Variants in UGT1A7 observed in about 807,000 individuals in gnomAD.
UGT1A7 encodes the protein UDP-glucuronosyltransferase 1A7.
UGT1A7 carries 33 observed loss-of-function variants against 45.6 expected under a neutral mutation model. The ratio of observed to expected loss-of-function variants is 0.72; its 90% CI spans 0.55 to 0.97. UGT1A7 has a LOEUF of 0.97. UGT1A7 is among the 50% of genes least tolerant of loss of function. UGT1A7 has a pLI of 0.00. For missense variants in UGT1A7, 684 were observed against 666.2 expected, an observed-to-expected ratio of 1.03 and a Z score of -0.29; for synonymous variants, 274 against 250.6, an observed-to-expected ratio of 1.09 and a Z score of -0.88.
At position 233,744,330 on chromosome 2, in the gene UGT1A7, T is replaced by A. The variant is rs1692777222; in HGVS notation, c.856-22704T>A. Among the ~76,000 whole-genome samples the A allele has an allele frequency of 1.3e-5, 2 of 151,878 alleles. 1 individual carries two copies. The highest frequency in any genetic ancestry group is 4.9e-5 in the African/African-American group (2 of 41,124). On this transcript the variant is annotated intron_variant, in intron 1 of 4. Coordinates refer to ENST00000373426, the MANE Select transcript of UGT1A7 (RefSeq NM_019077.3). Reference sequence around the variant, plus strand: ...GGGAAGAGGGTGGTGGGAGTGAGTTTAGTCTGACTGGGGCTGAAGACATCC... The same window carrying A: ...GGGAAGAGGGTGGTGGGAGTGAGTTAAGTCTGACTGGGGCTGAAGACATCC...
At chr2:233,760,185 T>G in intron 1 of UGT1A7, 4 of 1,555,156 alleles carry the variant, frequency 2.6e-6, no homozygotes, top group Non-Finnish European at 3.5e-6. Context: ...CTTTTTATAG[T>G]CACGTGACAC....
chr2:233,733,736 T>C (rs558044026), intron 1 of UGT1A7, among the ~76,000 whole-genome samples: 3 of 152,366 alleles, frequency 2.0e-5, no homozygotes, highest in African/African-American at 7.2e-5. Context: ...TTTGCATCGA[T>C]GTTCATCAGG....
chr2:233,717,717 G>A (rs1199377056), intron 1 of UGT1A7: 3 of 454,162 alleles, frequency 6.6e-6, no homozygotes, highest in Non-Finnish European at 1.3e-5. Flanking sequence ...AGCCTCATGG[G>A]CATGAGACCA....
At chr2:233,724,310 G>T (rs1212736933) in intron 1 of UGT1A7, among the ~76,000 whole-genome samples, 1 of 141,024 alleles carries the variant, frequency 7.1e-6, no homozygotes, top group African/African-American at 2.6e-5. Flanking sequence ...CCTCCCTCCC[G>T]GACGGGGCGG....
At chr2:233,740,302 A>C (rs564436017) in intron 1 of UGT1A7, among the ~76,000 whole-genome samples, 20 of 152,050 alleles carry the variant, frequency 1.3e-4, no homozygotes, top group Non-Finnish European at 2.5e-4. Flanking sequence ...GGAGAGTCTG[A>C]GAAAAGGAAA....
chr2:233,722,900 A>G (rs976029568), intron 1 of UGT1A7, among the ~76,000 whole-genome samples: 17 of 145,938 alleles, frequency 1.2e-4, no homozygotes, highest in Middle Eastern at 3.6e-3. Context: ...GTGGAAGTGG[A>G]TCATCATAAA....
In UGT1A7 at chr2:233,767,139, G is replaced by C; in HGVS notation, c.961G>C (p.Asp321His). Residue 321 changes from aspartate to histidine, a missense_variant, in exon 2 of 5, where the codon GAT becomes CAT. Asp to His is a moderately conservative substitution (Grantham distance 81). Transcript: ENST00000373426. Reference protein sequence around the residue: ...IPEKKAMAIADALGKIPQTVL... With the variant: ...IPEKKAMAIAHALGKIPQTVL... Reference sequence around the variant, plus strand: ...AGAGAAGAAAGCTATGGCAATTGCTGATGCTTTGGGCAAAATCCCTCAGAC... The same window carrying C: ...AGAGAAGAAAGCTATGGCAATTGCTCATGCTTTGGGCAAAATCCCTCAGAC... 6.2e-7 allele frequency: 1 copy of C among 1,614,104 alleles called. No individual in the cohort carries two copies. The highest frequency in any genetic ancestry group is 1.7e-4 in the Middle Eastern group (1 of 6,060).
At chr2:233,694,310 T>G (rs891942975) in intron 1 of UGT1A7, among the ~76,000 whole-genome samples, 9 of 152,004 alleles carry the variant, frequency 5.9e-5, no homozygotes, top group African/African-American at 1.9e-4. Flanking sequence ...TTTTGTTTTT[T>G]TTTTTCCTTT....
intron 1 of UGT1A7, among the ~76,000 whole-genome samples, chr2:233,704,514 T>C (rs977723467): frequency 2.6e-5 from 4 of 152,204 alleles, no homozygotes; most frequent in African/African-American, 9.7e-5. Context: ...TACATCTATA[T>C]ATGTTACAAA....
chr2:233,720,168 A>G (rs957295954), intron 1 of UGT1A7, among the ~76,000 whole-genome samples: 6 of 152,154 alleles, frequency 3.9e-5, no homozygotes, highest in Non-Finnish European at 7.3e-5. Context: ...AGTGTCAAAG[A>G]GGTTGACTCA....
intron 1 of UGT1A7, among the ~76,000 whole-genome samples, chr2:233,722,617 C>G (rs1215514710): frequency 6.6e-6 from 1 of 152,088 alleles, no homozygotes; most frequent in African/African-American, 2.4e-5. Context: ...TTTGATTTTT[C>G]TTAATGAAGC....
intron 1 of UGT1A7, among the ~76,000 whole-genome samples, chr2:233,695,947 AC>A (rs1335972362): frequency 1.3e-5 from 2 of 152,068 alleles, no homozygotes; most frequent in Non-Finnish European, 2.9e-5. Flanking sequence ...TCTGCCAGAT[AC>A]CAGCTGGGTG....
At chr2:233,747,816 T>A in intron 1 of UGT1A7, 1 of 1,613,472 alleles carries the variant, frequency 6.2e-7, no homozygotes, top group Non-Finnish European at 8.5e-7. Flanking sequence ...AACGACCAAT[T>A]CAGACCACAT....
chr2:233,704,765 G>A (rs1449805023), intron 1 of UGT1A7, among the ~76,000 whole-genome samples: 4 of 151,870 alleles, frequency 2.6e-5, no homozygotes, highest in South Asian at 2.1e-4. Context: ...AATATATTAC[G>A]CTTCCATATG....
At chr2:233,713,008 A>G in intron 1 of UGT1A7, 1 of 1,613,630 alleles carries the variant, frequency 6.2e-7, no homozygotes, top group Non-Finnish European at 8.5e-7. Flanking sequence ...ACAGGACTCC[A>G]GGTTCCCCTG....
rs564518266 is a variant in UGT1A7 at position 233,725,998 on chromosome 2, T to G, written c.856-41036T>G. Among the ~76,000 whole-genome samples the G allele has an allele frequency of 3.4e-4, 52 of 152,142 alleles. No individual in the cohort carries two copies. The Middle Eastern group carries it at 0.014, about 40-fold the overall frequency. ...CTGGGAAACGTGCTGAGACTGCATC[T>G]CTACAAAAAATCAAAAAATTATCCA... On this transcript the variant is annotated intron_variant, in intron 1 of 4. Coordinates refer to ENST00000373426, the MANE Select transcript of UGT1A7 (RefSeq NM_019077.3).
At chr2:233,729,740 T>G (rs1312965874) in intron 1 of UGT1A7, 8 of 1,613,982 alleles carry the variant, frequency 5.0e-6, no homozygotes, top group Non-Finnish European at 6.8e-6. Flanking sequence ...TCAGACCACA[T>G]GACATTCATG....
At chr2:233,728,581 G>A (rs1575575973) in intron 1 of UGT1A7, among the ~76,000 whole-genome samples, 1 of 152,156 alleles carries the variant, frequency 6.6e-6, no homozygotes, top group Non-Finnish European at 1.5e-5. Context: ...TGCGAAAAAC[G>A]ACCAAAACCA....
intron 1 of UGT1A7, chr2:233,744,008 G>T (rs1692645925): frequency 1.7e-6 from 2 of 1,163,288 alleles, no homozygotes; most frequent in South Asian, 2.8e-5. Flanking sequence ...CGGAGACCTG[G>T]GCCGCCTGGA....
Sources: allele counts gnomAD v4.1 joint callset (sites outside exome capture counted in the v4.1 genomes callset), GRCh38; gene constraint gnomAD v4.1.1; transcripts MANE v1.5; gene names NCBI Gene and HGNC (gene_info 2026-07-23, HGNC 2026-07-21).